Variants in TM4SF5 observed in about 807,000 individuals in gnomAD.
The protein encoded by TM4SF5 is transmembrane 4 L six family member 5.
TM4SF5 carries 16 observed loss-of-function variants against 22.3 expected under a neutral mutation model. The observed-to-expected ratio is 0.72, with a 90% confidence interval of 0.49 to 1.09. TM4SF5 has a LOEUF of 1.09. Among genes scored for constraint, TM4SF5 ranks in the 50% least tolerant of loss-of-function variants. TM4SF5 has a pLI of 0.00. For missense variants in TM4SF5, 249 were observed against 266.1 expected, an observed-to-expected ratio of 0.94 and a Z score of 0.45; for synonymous variants, 113 against 109.6, an observed-to-expected ratio of 1.03 and a Z score of -0.19.
intron 1 of TM4SF5, among the ~76,000 whole-genome samples, chr17:4,777,519 T>C (rs1011856790): frequency 2.0e-5 from 3 of 152,024 alleles, no homozygotes; most frequent in African/African-American, 7.2e-5. Context: ...GGCAGGAGAA[T>C]CGCTTGAGTC....
chr17:4,782,918 T>C lies in TM4SF5; in HGVS notation c.460T>C (p.Trp154Arg). 1 of 1,614,188 alleles carries C rather than the reference T, an allele frequency of 6.2e-7. No individual in the cohort carries two copies. The highest frequency in any genetic ancestry group is 1.7e-5 in the Admixed American group (1 of 60,026). ...RCEAPPRVVP[W>R]NVTLFSLLVA... is the part of the protein sequence containing the mutation. ...CGAGGCGCCCCCTCGCGTGGTCCCCTGGAATGTGACGCTCTTCTCGCTGCT... is the reference window on the plus strand; with the variant it reads ...CGAGGCGCCCCCTCGCGTGGTCCCCCGGAATGTGACGCTCTTCTCGCTGCT... The change falls in exon 4 of 5, where the codon TGG (tryptophan) becomes CGG (arginine). Residue 154 changes from tryptophan (W) to arginine (R), a missense_variant. Trp to Arg is a moderately radical substitution (Grantham distance 101). Transcript: ENST00000270560.
Position 4,783,020 on chromosome 17 carries a change from G to C in TM4SF5, c.562G>C (p.Asp188His), listed in dbSNP as rs779765905. The C allele has an allele frequency of 1.2e-6, 2 of 1,614,042 alleles. No homozygotes were observed. Among genetic ancestry groups the C allele is most frequent in the Non-Finnish European group, 1.7e-6 (2 of 1,180,006 alleles). The change falls in exon 4 of 5, where the codon GAT becomes CAT. Residue 188 changes from aspartate (D) to histidine (H), a missense_variant. Physicochemically the swap from Asp to His is moderately conservative, Grantham distance 81 (BLOSUM62 -1). Coordinates refer to ENST00000270560, the MANE Select transcript of TM4SF5 (RefSeq NM_003963.3). ...CGCGACCATTGGTGTCTTCTGCGGC[G>C]ATTGCAGGAAAAAACAGGTGAAATT... is the stretch of plus-strand genomic sequence containing the variant. Reference protein sequence around the residue: ...VNATIGVFCGDCRKKQDTPH With the variant: ...VNATIGVFCGHCRKKQDTPH
At chr17:4,782,436 G>A (rs1319907617) in intron 2 of TM4SF5, 67 bp from the exon 3 acceptor site, 2 of 1,588,480 alleles carry the variant, frequency 1.3e-6, no homozygotes, top group African/African-American at 1.4e-5. Flanking sequence ...CGTGGGGGCT[G>A]GCGCTGAGCG....
chr17:4,780,981 C>A, intron 2 of TM4SF5, 112 bp downstream of exon 2: 1 of 883,474 alleles, frequency 1.1e-6, no homozygotes, highest in Admixed American at 2.5e-5. Flanking sequence ...GAGTTCTAGA[C>A]CAGCCCAGGA....
chr17:4,772,281 G>A (rs1917125594), intron 1 of TM4SF5, among the ~76,000 whole-genome samples, 182 bp downstream of exon 1: 1 of 152,158 alleles, frequency 6.6e-6, no homozygotes, highest in Non-Finnish European at 1.5e-5. Context: ...CAAGCTGAAT[G>A]TCTGTGGGGC....
chr17:4,782,741 C>T lies in TM4SF5; in HGVS notation c.395+102C>T, dbSNP rs111274373. On this transcript the variant is annotated intron_variant, in intron 3 of 4. Transcript: ENST00000270560. ...TGGGCGGGACTCGACTTCGAGGGCA[C>T]TCGCTCCACGTGGGCTACCTGGGCC... 7,783 of 1,575,102 alleles carry T rather than the reference C, an allele frequency of 4.9e-3. 30 individuals are homozygous for T. Among genetic ancestry groups the T allele is most frequent in the Non-Finnish European group, 5.9e-3 (6,884 of 1,159,070 alleles).
chr17:4,772,718 GT>G (rs748501797), intron 1 of TM4SF5, among the ~76,000 whole-genome samples: 7,828 of 140,614 alleles, frequency 0.056, 704 homozygotes, highest in African/African-American at 0.2. Context: ...TTTGTTTTTT[GT>G]TTTTTTTTTT....
At chr17:4,781,040 C>T (rs575117403) in intron 2 of TM4SF5, among the ~76,000 whole-genome samples, 171 bp downstream of exon 2, 119 of 145,840 alleles carry the variant, frequency 8.2e-4, no homozygotes, top group African/African-American at 2.7e-3. Flanking sequence ...ATTAGCCGGG[C>T]GTGGTGGCAA....
chr17:4,772,711 G>GTTTTTTTTTTTT (rs1339883711), intron 1 of TM4SF5, among the ~76,000 whole-genome samples: 2 of 141,248 alleles, frequency 1.4e-5, no homozygotes, highest in African/African-American at 5.6e-5. Flanking sequence ...TTTTGTGTTT[G>GTTTTTTTTTTTT]TTTTTTGTTT....
At chr17:4,776,414 G>C (rs543608607) in intron 1 of TM4SF5, among the ~76,000 whole-genome samples, 1 of 151,962 alleles carries the variant, frequency 6.6e-6, no homozygotes, top group Non-Finnish European at 1.5e-5. Flanking sequence ...TGATTCTCCT[G>C]CCTCAGCCTC....
At position 4,772,067 on chromosome 17, in the gene TM4SF5, C is replaced by T. The variant is rs1917119427; in HGVS notation, c.145C>T (p.Leu49Phe). ...CAACCATCTCAGCTTGCAAGTCTGG[C>T]TCATGGGCGGCTTCATTGGCGGGGG... ...NTNHLSLQVW[L>F]MGGFIGGGLM... Residue 49 changes from leucine to phenylalanine, a missense_variant, in exon 1 of 5, where the codon CTC becomes TTC. Leu to Phe is a conservative substitution (Grantham distance 22). Coordinates refer to ENST00000270560, the MANE Select transcript of TM4SF5 (RefSeq NM_003963.3). The T allele has an allele frequency of 1.9e-6, 3 of 1,614,214 alleles. No individual in the cohort carries two copies. Among genetic ancestry groups the T allele is most frequent in the Non-Finnish European group, 2.5e-6 (3 of 1,180,040 alleles).
intron 3 of TM4SF5, 69 bp from the exon 4 acceptor site, chr17:4,782,785 C>A (rs573861505): frequency 1.4e-5 from 22 of 1,574,120 alleles, no homozygotes; most frequent in South Asian, 4.7e-5. Flanking sequence ...TCCCCTGGGA[C>A]GTATTCTTGG....
chr17:4,781,064 C>T (rs768924407), intron 2 of TM4SF5, among the ~76,000 whole-genome samples, 195 bp downstream of exon 2: 1 of 148,646 alleles, frequency 6.7e-6, no homozygotes, highest in Non-Finnish European at 1.5e-5. Context: ...CCTGCAATCT[C>T]GGCTACTTGG....
At chr17:4,780,210 C>T (rs1197305756) in intron 1 of TM4SF5, among the ~76,000 whole-genome samples, 2 of 152,080 alleles carry the variant, frequency 1.3e-5, no homozygotes, top group African/African-American at 2.4e-5. Flanking sequence ...CATGCGCCAC[C>T]ACGCCCGGCT....
chr17:4,781,647 G>A (rs1360495099), intron 2 of TM4SF5, among the ~76,000 whole-genome samples: 3 of 151,752 alleles, frequency 2.0e-5, no homozygotes, highest in East Asian at 1.9e-4. Context: ...CTCCCAAGTA[G>A]CTGGGATTAC....
intron 2 of TM4SF5, 59 bp from the exon 3 acceptor site, chr17:4,782,444 G>A: frequency 1.2e-6 from 2 of 1,600,390 alleles, no homozygotes; most frequent in Non-Finnish European, 8.5e-7. Context: ...CTGGCGCTGA[G>A]CGTCGTCACC....
intron 2 of TM4SF5, 38 bp from the exon 3 acceptor site, chr17:4,782,465 G>A: frequency 1.9e-6 from 3 of 1,612,402 alleles, no homozygotes; most frequent in Middle Eastern, 3.3e-4. Flanking sequence ...CACAGGTGGG[G>A]AGATTGGGCC....
intron 2 of TM4SF5, among the ~76,000 whole-genome samples, chr17:4,781,755 T>C (rs2150648182): frequency 6.6e-6 from 1 of 152,142 alleles, no homozygotes; most frequent in Non-Finnish European, 1.5e-5. Context: ...CCTCAGGCGA[T>C]CTGCCCCCCT....
At chr17:4,781,062 C>G (rs1228921822) in intron 2 of TM4SF5, among the ~76,000 whole-genome samples, 193 bp downstream of exon 2, 1 of 149,416 alleles carries the variant, frequency 6.7e-6, no homozygotes, top group Non-Finnish European at 1.5e-5. Context: ...CACCTGCAAT[C>G]TCGGCTACTT....
Sources: allele counts gnomAD v4.1 joint callset (sites outside exome capture counted in the v4.1 genomes callset), GRCh38; gene constraint gnomAD v4.1.1; transcripts MANE v1.5; gene names NCBI Gene and HGNC (gene_info 2026-07-23, HGNC 2026-07-21).